MAML3: variants seen among roughly 807,000 people sequenced by gnomAD.
MAML3 encodes the protein mastermind-like protein 3.
A neutral mutation model predicts 101.9 loss-of-function variants in MAML3; 27 were observed. The observed-to-expected ratio is 0.27, with a 90% CI of 0.20 to 0.37. The LOEUF is 0.37. MAML3 is among the 10% of genes least tolerant of loss of function. The probability of loss-of-function intolerance (pLI) is 1.00; values close to 1 mark genes in which losing one functional copy is unlikely to be tolerated. For synonymous variants in MAML3, 501 were observed against 555.9 expected, an observed-to-expected ratio of 0.90 and a Z score of 1.39; for missense variants, 1,316 against 1,444.9, an observed-to-expected ratio of 0.91 and a Z score of 1.45.
At chr4:139,945,753 T>C (rs1431024686) in intron 1 of MAML3, among the ~76,000 whole-genome samples, 2 of 152,254 alleles carry the variant, frequency 1.3e-5, no homozygotes, top group Non-Finnish European at 2.9e-5. Context: ...ATTTAAATTG[T>C]TGAAATGCTT....
intron 1 of MAML3, among the ~76,000 whole-genome samples, chr4:139,974,709 G>A (rs1317706395): frequency 6.6e-6 from 1 of 151,972 alleles, no homozygotes; most frequent in Non-Finnish European, 1.5e-5. Context: ...ATAATATATG[G>A]TGAAGTCCAG....
Position 140,152,821 on chromosome 4 carries a change from C to CCCA in MAML3, c.468+38_468+39insTGG. The CCCA allele has an allele frequency of 2.5e-6, 4 of 1,585,904 alleles. No homozygotes were observed. In the South Asian group the frequency reaches 3.5e-5, roughly 14 times the overall value. On this transcript the variant is annotated intron_variant, in intron 1 of 4. Transcript: ENST00000509479. ...GCGCCCCCCACCACCACCACCACCC[C>CCCA]CAACGCGCGCCGCAAGCCCGCTGCC...
chr4:139,791,367 C>T (rs1000664348), intron 2 of MAML3, among the ~76,000 whole-genome samples: 4 of 151,600 alleles, frequency 2.6e-5, no homozygotes, highest in East Asian at 1.9e-4. Flanking sequence ...CATGGTGGCA[C>T]GTGCCTGTAA....
chr4:139,924,421 C>G (rs1175701928), intron 1 of MAML3, among the ~76,000 whole-genome samples: 1 of 152,176 alleles, frequency 6.6e-6, no homozygotes, highest in African/African-American at 2.4e-5. Flanking sequence ...CTTTACCTTT[C>G]ATATTATTTA....
intron 1 of MAML3, among the ~76,000 whole-genome samples, chr4:139,936,497 T>A (rs1733508471): frequency 6.6e-6 from 1 of 152,208 alleles, no homozygotes; most frequent in Non-Finnish European, 1.5e-5. Flanking sequence ...TGTACCAATT[T>A]ACATGCTCAC....
chr4:139,747,343 AT>A (rs1256741503), intron 2 of MAML3, among the ~76,000 whole-genome samples: 3 of 152,186 alleles, frequency 2.0e-5, no homozygotes, highest in Non-Finnish European at 4.4e-5. Flanking sequence ...TCCTTTTAGC[AT>A]CTGCATGCAT....
At chr4:139,797,869 C>T (rs72730232) in intron 2 of MAML3, among the ~76,000 whole-genome samples, 5,411 of 151,952 alleles carry the variant, frequency 0.036, 138 homozygotes, top group Non-Finnish European at 0.048. Context: ...ACTATGAATT[C>T]TGATAACAGT....
chr4:139,926,589 G>C (rs976483059), intron 1 of MAML3, among the ~76,000 whole-genome samples: 8 of 152,206 alleles, frequency 5.3e-5, no homozygotes, highest in African/African-American at 7.2e-5. Context: ...GATAAAGCGA[G>C]ACTCCGTCTC....
intron 1 of MAML3, among the ~76,000 whole-genome samples, chr4:140,069,505 G>GAGGAGAAGGAGGAGA (rs1727603121): frequency 1.7e-5 from 2 of 115,454 alleles, no homozygotes; most frequent in African/African-American, 7.2e-5. Flanking sequence ...AGGGGAGGAG[G>GAGGAGAAGGAGGAGA]AGGAGAAGGA....
At chr4:139,885,958 GAA>G (rs796934714) in intron 2 of MAML3, among the ~76,000 whole-genome samples, 1,300 of 102,832 alleles carry the variant, frequency 0.013, 25 homozygotes, top group African/African-American at 0.025. Context: ...AAAAAAAAAA[GAA>G]AGAGAAAAAA....
chr4:139,909,836 C>CAAAAA (rs11379402), intron 1 of MAML3, among the ~76,000 whole-genome samples: 16,973 of 58,484 alleles, frequency 0.29, 4,198 homozygotes, highest in Non-Finnish European at 0.42. Flanking sequence ...GATGCCGTCT[C>CAAAAA]AAAAAAAAAA....
At chr4:139,847,287 G>A (rs1248669366) in intron 2 of MAML3, among the ~76,000 whole-genome samples, 1 of 152,208 alleles carries the variant, frequency 6.6e-6, no homozygotes, top group East Asian at 1.9e-4. Context: ...CCAGAATAGT[G>A]TGGGAAGTTG....
At chr4:139,783,552 C>T (rs530938954) in intron 2 of MAML3, among the ~76,000 whole-genome samples, 8 of 152,306 alleles carry the variant, frequency 5.3e-5, no homozygotes, top group Non-Finnish European at 7.4e-5. Flanking sequence ...CCTTTGTTAT[C>T]GCTTCCAGCC....
At chr4:139,774,208 T>C (rs139988515) in intron 2 of MAML3, among the ~76,000 whole-genome samples, 1 of 152,324 alleles carries the variant, frequency 6.6e-6, no homozygotes, top group East Asian at 1.9e-4. Flanking sequence ...ATGGTCAAAA[T>C]GTTCCTGACC....
chr4:140,091,076 A>T (rs200904650), intron 1 of MAML3, among the ~76,000 whole-genome samples: 46 of 2,470 alleles, frequency 0.019, no homozygotes, highest in Admixed American at 0.16. Flanking sequence ...CAACAACAAC[A>T]AACAACAAAA....
intron 1 of MAML3, among the ~76,000 whole-genome samples, chr4:140,089,164 T>A (rs1290336019): frequency 6.6e-6 from 1 of 152,242 alleles, no homozygotes; most frequent in Non-Finnish European, 1.5e-5. Flanking sequence ...AGCAAAGATA[T>A]GGATGTGCCT....
intron 2 of MAML3, among the ~76,000 whole-genome samples, chr4:139,876,700 C>T (rs1387642579): frequency 1.3e-5 from 2 of 152,236 alleles, no homozygotes; most frequent in African/African-American, 4.8e-5. Flanking sequence ...TGGACCCAGG[C>T]TGCCACCGAT....
intron 1 of MAML3, among the ~76,000 whole-genome samples, chr4:140,091,536 AC>A (rs1197976976): frequency 7.4e-4 from 79 of 107,184 alleles, no homozygotes; most frequent in African/African-American, 1.9e-3. Flanking sequence ...AAACAACAAA[AC>A]AAAAACAAAA....
chr4:139,887,530 G>A (rs2111194267), intron 2 of MAML3, among the ~76,000 whole-genome samples: 1 of 152,300 alleles, frequency 6.6e-6, no homozygotes, highest in Middle Eastern at 3.4e-3. Flanking sequence ...GCAGGCATAA[G>A]GACCTCAAAG....
Sources: gnomAD v4.1 joint callset for allele counts (sites outside exome capture counted in the v4.1 genomes callset) on GRCh38, gnomAD v4.1.1 for gene constraint, MANE v1.5 for transcripts, NCBI Gene and HGNC (gene_info 2026-07-23, HGNC 2026-07-21) for gene names.